The following ATG10 variants were observed in gnomAD, a reference collection of about 807,000 sequenced individuals.
ATG10 encodes the protein autophagy related 10, also known as ubiquitin-like-conjugating enzyme ATG10.
In ATG10, 30 loss-of-function variants were observed where a neutral mutation model predicts 32.1. That is an observed-to-expected ratio of 0.94 (90% CI 0.70 to 1.27). The LOEUF (loss-of-function observed/expected upper bound fraction) is 1.27, where lower values mean the gene tolerates loss of function less well. Ranked by LOEUF, ATG10 falls within the 50% of genes most tolerant of loss-of-function variation. The pLI, the probability that ATG10 is intolerant of heterozygous loss-of-function variation, is 0.00. For missense variants in ATG10, 233 were observed against 262.3 expected (o/e 0.89, Z 0.77); for synonymous variants, 87 against 91.5 (o/e 0.95, Z 0.28).
At chr5:82,198,025 A>T (rs1391498230) in intron 5 of ATG10, among the ~76,000 whole-genome samples, 2 of 152,176 alleles carry the variant, frequency 1.3e-5, no homozygotes, top group African/African-American at 2.4e-5. Context: ...ATATGAGGGA[A>T]ATTGAGAAGC....
At chr5:82,006,947 A>T (rs1581591121) in intron 2 of ATG10, among the ~76,000 whole-genome samples, 2 of 151,954 alleles carry the variant, frequency 1.3e-5, no homozygotes, top group African/African-American at 4.8e-5. Flanking sequence ...TCTGCCTCCT[A>T]GGTTCAAGTG....
chr5:82,047,483 G>A (rs1763267556), intron 2 of ATG10, among the ~76,000 whole-genome samples: 1 of 152,292 alleles, frequency 6.6e-6, no homozygotes, highest in African/African-American at 2.4e-5. Context: ...AAGAGACTTA[G>A]CATTATTTAA....
chr5:82,191,799 C>A (rs998411336), intron 5 of ATG10, among the ~76,000 whole-genome samples: 1 of 152,208 alleles, frequency 6.6e-6, no homozygotes, highest in African/African-American at 2.4e-5. Context: ...TCCCCAGACA[C>A]ACAAACTATT....
At chr5:82,246,959 T>A (rs73768650) in intron 5 of ATG10, among the ~76,000 whole-genome samples, 3,552 of 152,332 alleles carry the variant, frequency 0.023, 129 homozygotes, top group African/African-American at 0.08. Context: ...CTCATTACTC[T>A]GAATATGTCA....
At chr5:82,210,151 CTT>C (rs1745441494) in intron 5 of ATG10, among the ~76,000 whole-genome samples, 1 of 152,024 alleles carries the variant, frequency 6.6e-6, no homozygotes, top group Admixed American at 6.6e-5. Flanking sequence ...TGTTTTTTCT[CTT>C]GGGTTTTGGT....
At chr5:82,239,767 A>T (rs936402206) in intron 5 of ATG10, among the ~76,000 whole-genome samples, 2 of 152,184 alleles carry the variant, frequency 1.3e-5, no homozygotes, top group East Asian at 1.9e-4. Context: ...AAACTCTTCA[A>T]TTGACAAGTG....
intron 3 of ATG10, among the ~76,000 whole-genome samples, chr5:82,109,950 T>C (rs1371377565): frequency 4.1e-5 from 6 of 145,486 alleles, no homozygotes; most frequent in Admixed American, 7.1e-5. Flanking sequence ...CTATCCCCCA[T>C]CCCCCCACCC....
At chr5:82,213,153 C>T (rs149598991) in intron 5 of ATG10, among the ~76,000 whole-genome samples, 5 of 152,142 alleles carry the variant, frequency 3.3e-5, no homozygotes, top group African/African-American at 7.2e-5. Context: ...GAACTTTTTG[C>T]GTCTATTTAT....
chr5:82,009,552 A>G, intron 2 of ATG10: 3 of 1,501,114 alleles, frequency 2.0e-6, no homozygotes, highest in East Asian at 4.5e-5. Context: ...CTCCTGAGCT[A>G]CAGAAGGAAT....
chr5:82,015,723 T>C (rs1470272580), intron 2 of ATG10, among the ~76,000 whole-genome samples: 1 of 152,182 alleles, frequency 6.6e-6, no homozygotes, highest in Non-Finnish European at 1.5e-5. Context: ...CAGTTAGCCA[T>C]TCATCTAATC....
At chr5:82,049,420 G>A (rs559461768) in intron 2 of ATG10, among the ~76,000 whole-genome samples, 1 of 113,508 alleles carries the variant, frequency 8.8e-6, no homozygotes, top group African/African-American at 3.3e-5. Flanking sequence ...GAGGGGGGGA[G>A]GGAAAGCACT....
chr5:82,141,763 T>C (rs1386542511), intron 3 of ATG10, among the ~76,000 whole-genome samples: 2 of 152,096 alleles, frequency 1.3e-5, no homozygotes, highest in African/African-American at 4.8e-5. Context: ...TTCTTACTTA[T>C]TTTTATAATC....
At chr5:81,986,065 C>T (rs1446600385) in intron 1 of ATG10, among the ~76,000 whole-genome samples, 4 of 151,320 alleles carry the variant, frequency 2.6e-5, no homozygotes, top group African/African-American at 7.3e-5. Flanking sequence ...CGCCTGGCCA[C>T]GCCTGCCTAA....
intron 1 of ATG10, among the ~76,000 whole-genome samples, chr5:81,973,796 A>C (rs1760796988): frequency 6.6e-6 from 1 of 152,234 alleles, no homozygotes; most frequent in Non-Finnish European, 1.5e-5. Flanking sequence ...GAGTATTGAG[A>C]AATTAAAATT....
intron 3 of ATG10, among the ~76,000 whole-genome samples, chr5:82,094,973 C>T (rs1221061816): frequency 6.6e-6 from 1 of 152,024 alleles, no homozygotes; most frequent in Non-Finnish European, 1.5e-5. Context: ...TATAATATTC[C>T]TCTGGGAAGT....
At chr5:82,048,177 C>G (rs1396094010) in intron 2 of ATG10, among the ~76,000 whole-genome samples, 1 of 133,900 alleles carries the variant, frequency 7.5e-6, no homozygotes, top group African/African-American at 2.9e-5. Context: ...GTTCTTTTGG[C>G]TTAGGATTGA....
At chr5:81,982,675 A>AC (rs1761089008) in intron 1 of ATG10, among the ~76,000 whole-genome samples, 1 of 152,056 alleles carries the variant, frequency 6.6e-6, no homozygotes, top group South Asian at 2.1e-4. Flanking sequence ...CAAGTGAACA[A>AC]AGGTCTCTGG....
intron 3 of ATG10, among the ~76,000 whole-genome samples, chr5:82,113,673 A>C (rs1765688158): frequency 6.6e-6 from 1 of 151,884 alleles, no homozygotes; most frequent in Non-Finnish European, 1.5e-5. Context: ...TACTACTTAA[A>C]ATTAATTGGT....
At chr5:82,201,563 A>T (rs1449857931) in intron 5 of ATG10, among the ~76,000 whole-genome samples, 2 of 152,130 alleles carry the variant, frequency 1.3e-5, no homozygotes, top group African/African-American at 4.8e-5. Context: ...CTTTATATTA[A>T]ATCTTGATAA....
Sources: gnomAD v4.1 joint callset for allele counts (sites outside exome capture counted in the v4.1 genomes callset) on GRCh38, gnomAD v4.1.1 for gene constraint, MANE v1.5 for transcripts, NCBI Gene and HGNC (gene_info 2026-07-23, HGNC 2026-07-21) for gene names.